ADAMTS19: variants seen among roughly 807,000 people sequenced by gnomAD.
ADAMTS19 encodes A disintegrin and metalloproteinase with thrombospondin motifs 19.
ADAMTS19 carries 93 observed loss-of-function variants against 153.3 expected under a neutral mutation model. That is an observed-to-expected ratio of 0.61 (90% CI 0.51 to 0.72). The LOEUF is 0.72. ADAMTS19 is among the 30% of genes least tolerant of loss of function. The pLI is 0.00. For missense variants in ADAMTS19, 1,482 were observed against 1,552.1 expected (o/e 0.95, Z 0.76); for synonymous variants, 600 against 556.6 (o/e 1.08, Z -1.10).
intron 18 of ADAMTS19, 42 bp downstream of exon 18, chr5:129,684,315 G>A (rs975452618): frequency 6.9e-6 from 11 of 1,602,000 alleles, no homozygotes; most frequent in Non-Finnish European, 9.4e-6. Context: ...AACATCAGTT[G>A]TTTTCTGATT....
intron 16 of ADAMTS19, among the ~76,000 whole-genome samples, chr5:129,668,461 C>T (rs1038062597): frequency 1.3e-5 from 2 of 152,142 alleles, no homozygotes; most frequent in Admixed American, 6.6e-5. Flanking sequence ...CCTTTAAGGG[C>T]TCATTTCCTG....
chr5:129,527,698 A>G, intron 4 of ADAMTS19, 50 bp from the exon 5 acceptor site: 1 of 1,099,732 alleles, frequency 9.1e-7, no homozygotes, highest in African/African-American at 1.6e-5. Flanking sequence ...GAGAAAAATT[A>G]AGATGATTTT....
intron 13 of ADAMTS19, among the ~76,000 whole-genome samples, chr5:129,652,502 A>G (rs1316554264): frequency 3.3e-5 from 5 of 152,188 alleles, no homozygotes; most frequent in African/African-American, 1.2e-4. Flanking sequence ...TCTATTGCAT[A>G]TCTTGGAAAG....
At chr5:129,624,723 TTAATA>T (rs1233983949) in intron 10 of ADAMTS19, among the ~76,000 whole-genome samples, 1 of 152,254 alleles carries the variant, frequency 6.6e-6, no homozygotes, top group East Asian at 1.9e-4. Flanking sequence ...AGAAATTATT[TTAATA>T]TATCACATGC....
intron 2 of ADAMTS19, among the ~76,000 whole-genome samples, chr5:129,501,635 A>C (rs1033245757): frequency 6.6e-6 from 1 of 152,096 alleles, no homozygotes; most frequent in Non-Finnish European, 1.5e-5. Context: ...TTTCATTTGA[A>C]TCCTGTCTTT....
chr5:129,696,008 AG>A (rs1431842349), intron 19 of ADAMTS19, among the ~76,000 whole-genome samples: 1 of 152,136 alleles, frequency 6.6e-6, no homozygotes, highest in Non-Finnish European at 1.5e-5. Flanking sequence ...GGGAGGGAAG[AG>A]GGAGAGGAAC....
chr5:129,523,051 T>C (rs1751881400), intron 3 of ADAMTS19, among the ~76,000 whole-genome samples: 1 of 125,266 alleles, frequency 8.0e-6, no homozygotes, highest in African/African-American at 3.9e-5. Flanking sequence ...TGAGACTCCA[T>C]CTCAAAAAAA....
At chr5:129,471,596 G>A (rs2126651987) in intron 2 of ADAMTS19, among the ~76,000 whole-genome samples, 1 of 152,216 alleles carries the variant, frequency 6.6e-6, no homozygotes, top group Admixed American at 6.5e-5. Flanking sequence ...GTGCAGGTTT[G>A]TTAAGTAGGT....
chr5:129,700,158 C>T (rs531588900), intron 19 of ADAMTS19, among the ~76,000 whole-genome samples: 1 of 152,176 alleles, frequency 6.6e-6, no homozygotes, highest in Admixed American at 6.5e-5. Flanking sequence ...GGTTTTAGTT[C>T]TTTCCTAAAG....
At chr5:129,686,253 A>T (rs1220257613) in intron 18 of ADAMTS19, among the ~76,000 whole-genome samples, 1 of 152,044 alleles carries the variant, frequency 6.6e-6, no homozygotes, top group African/African-American at 2.4e-5. Context: ...GCTTGACCTG[A>T]GGTTGTATGC....
Position 129,522,332 on chromosome 5 carries a change from CATATATATATATAT to C in ADAMTS19, c.914-3931_914-3918del, listed in dbSNP as rs1209637522. Among the ~76,000 whole-genome samples, 11 of 58,620 alleles carry C rather than the reference CATATATATATATAT, an allele frequency of 1.9e-4. No homozygotes were observed. In the South Asian group the frequency reaches 2.7e-3, roughly 15 times the overall value. 38.5% of individuals were successfully genotyped at this position (58,620 alleles called of 152,430 possible). On this transcript the variant is annotated intron_variant, in intron 3 of 22. Coordinates refer to ENST00000274487, the MANE Select transcript of ADAMTS19 (RefSeq NM_133638.6). The stretch of plus-strand genomic sequence containing the variant: ...ATATATATATACACACACACACACA[CATATATATATATAT>C]ATATATATATATATATATATGATCA...
chr5:129,522,316 T>TACACACAC (rs1186259435), intron 3 of ADAMTS19, among the ~76,000 whole-genome samples: 24 of 91,956 alleles, frequency 2.6e-4, no homozygotes, highest in Non-Finnish European at 4.2e-4. Context: ...TATATATATA[T>TACACACAC]ACACACACAC....
intron 21 of ADAMTS19, among the ~76,000 whole-genome samples, chr5:129,716,789 C>G (rs750835328): frequency 6.6e-6 from 1 of 152,162 alleles, no homozygotes; most frequent in Non-Finnish European, 1.5e-5. Context: ...TCCGTCTATT[C>G]ACGAGATGGT....
intron 7 of ADAMTS19, among the ~76,000 whole-genome samples, chr5:129,581,654 T>C (rs1353195861): frequency 6.6e-6 from 1 of 152,198 alleles, no homozygotes; most frequent in Non-Finnish European, 1.5e-5. Flanking sequence ...CTTTTGAATT[T>C]GTTTGCTTCT....
At chr5:129,627,920 T>C (rs1372023048) in intron 10 of ADAMTS19, among the ~76,000 whole-genome samples, 1 of 149,810 alleles carries the variant, frequency 6.7e-6, no homozygotes, top group Admixed American at 6.6e-5. Flanking sequence ...CTACCCATAA[T>C]TACCATTCAA....
chr5:129,735,518 T>C (rs766799802), intron 22 of ADAMTS19, among the ~76,000 whole-genome samples: 2 of 151,932 alleles, frequency 1.3e-5, no homozygotes, highest in Non-Finnish European at 2.9e-5. Flanking sequence ...AATTATTCTT[T>C]GGAGGGACAC....
intron 15 of ADAMTS19, among the ~76,000 whole-genome samples, chr5:129,661,747 G>T (rs1308428616): frequency 6.6e-6 from 1 of 152,088 alleles, no homozygotes; most frequent in Non-Finnish European, 1.5e-5. Flanking sequence ...GCCAGTTGTT[G>T]AAATGCATAG....
intron 7 of ADAMTS19, among the ~76,000 whole-genome samples, chr5:129,580,949 A>G (rs183388899): frequency 2.6e-5 from 4 of 152,338 alleles, no homozygotes; most frequent in Admixed American, 6.5e-5. Context: ...TGGCCTCATA[A>G]AATGAGTTAG....
At chr5:129,630,235 T>G (rs1752228324) in intron 10 of ADAMTS19, among the ~76,000 whole-genome samples, 1 of 152,044 alleles carries the variant, frequency 6.6e-6, no homozygotes, top group Non-Finnish European at 1.5e-5. Context: ...CAACCTAATA[T>G]TATGAAGAAC....
Sources: gnomAD v4.1 joint callset for allele counts (sites outside exome capture counted in the v4.1 genomes callset) on GRCh38, gnomAD v4.1.1 for gene constraint, MANE v1.5 for transcripts, NCBI Gene and HGNC (gene_info 2026-07-23, HGNC 2026-07-21) for gene names.